ITSN2: variants seen among roughly 807,000 people sequenced by gnomAD.
ITSN2 encodes the protein intersectin-2.
A neutral mutation model predicts 243.7 loss-of-function variants in ITSN2; 156 were observed. The observed-to-expected ratio is 0.64, with a 90% CI of 0.56 to 0.73. The LOEUF (loss-of-function observed/expected upper bound fraction) is 0.73, where lower values mean the gene tolerates loss of function less well. Ranked by LOEUF, ITSN2 falls within the 30% of genes least tolerant of loss-of-function variation. The pLI is 0.00. For missense variants in ITSN2, 1,801 were observed against 1,996.1 expected (o/e 0.90, Z 1.86); for synonymous variants, 703 against 699.9 (o/e 1.00, Z -0.07).
At chr2:24,350,215 TA>T (rs1687903406) in intron 1 of ITSN2, among the ~76,000 whole-genome samples, 1 of 152,128 alleles carries the variant, frequency 6.6e-6, no homozygotes, top group Admixed American at 6.6e-5. Flanking sequence ...CATGATCCAT[TA>T]GGAAAAGCTT....
At chr2:24,325,192 T>G (rs962701804) in intron 2 of ITSN2, among the ~76,000 whole-genome samples, 1 of 152,076 alleles carries the variant, frequency 6.6e-6, no homozygotes, top group African/African-American at 2.4e-5. Flanking sequence ...GAGGACTTCT[T>G]GAGCCCAAGA....
At chr2:24,206,885 G>C (rs1446804192) in intron 37 of ITSN2, among the ~76,000 whole-genome samples, 1 of 152,130 alleles carries the variant, frequency 6.6e-6, no homozygotes, top group Admixed American at 6.5e-5. Context: ...CATGGAGGAG[G>C]CTGTGTTTGA....
At chr2:24,246,100 T>C (rs1385834894) in intron 29 of ITSN2, 29 bp downstream of exon 29, 1 of 1,513,766 alleles carries the variant, frequency 6.6e-7, no homozygotes, top group Non-Finnish European at 9.1e-7. Flanking sequence ...TCACACTAGG[T>C]GAGAGAAAAA....
rs560366782 is a variant in ITSN2, at chr2:24,358,087, G to C, written c.-34+2217C>G. Among the ~76,000 whole-genome samples, 29 of 152,202 alleles carry C rather than the reference G, an allele frequency of 1.9e-4. No homozygotes were observed. The South Asian group carries it at 4.6e-3, about 24-fold the overall frequency. ...CGCCACCATGCCAGGCTAATTTTTT[G>C]TATTTTTTAGTAGAGACAGGATTTC... On this transcript the variant is annotated intron_variant, in intron 1 of 39. Coordinates refer to ENST00000355123, the MANE Select transcript of ITSN2 (RefSeq NM_006277.3).
chr2:24,312,406 A>G (rs1683360727), intron 4 of ITSN2, 31 bp from the exon 5 acceptor site: 5 of 1,528,412 alleles, frequency 3.3e-6, no homozygotes, highest in Non-Finnish European at 4.4e-6. Context: ...GTAGATTGCT[A>G]TGTGGTGTGG....
At position 24,246,932 on chromosome 2, in the gene ITSN2, G is replaced by A. The variant is rs371387676; in HGVS notation, c.3289-39C>T. The A allele has an allele frequency of 2.6e-5, 33 of 1,291,766 alleles. No homozygotes were observed. In the African/African-American group the frequency reaches 4.1e-4, roughly 16 times the overall value. The allele number at this position is 1,291,766 out of a possible 1,614,324, so 80.0% of individuals were successfully genotyped here. On this transcript the variant is annotated intron_variant, in intron 27 of 39. Transcript: ENST00000355123. Reference sequence around the variant, plus strand: ...AAAGAAATACATAATTGAAAGATGAGATTAAAAACAATCATTGAGACATAA... The same window carrying A: ...AAAGAAATACATAATTGAAAGATGAAATTAAAAACAATCATTGAGACATAA...
At position 24,258,037 on chromosome 2, in the gene ITSN2, T is replaced by C; in HGVS notation, c.2739A>G (p.Lys913=). The stretch of plus-strand genomic sequence containing the variant: ...GTTTTGAGAAGTTCAAGTGGTTATC[T>C]TTCTTTGCAGTCCAGGAACAAAGGG... ...AQALCSWTAK[K]DNHLNFSKHD... is the part of the protein sequence containing the mutation. The change falls in exon 23 of 40, where the codon AAA becomes AAG. Residue 913 remains lysine (K), a synonymous_variant. Coordinates refer to ENST00000355123, the MANE Select transcript of ITSN2 (RefSeq NM_006277.3). 6.2e-7 allele frequency: 1 copy of C among 1,614,156 alleles called. No individual in the cohort carries two copies. The highest frequency in any genetic ancestry group is 8.5e-7 in the Non-Finnish European group (1 of 1,179,996).
chr2:24,354,660 G>GT (rs1165436630), intron 1 of ITSN2, among the ~76,000 whole-genome samples: 2 of 152,194 alleles, frequency 1.3e-5, no homozygotes. Context: ...CAGTTATTTG[G>GT]TGTCAGAGCT....
At chr2:24,260,903 C>CAAAAAAA (rs34385491) in intron 22 of ITSN2, among the ~76,000 whole-genome samples, 3 of 117,778 alleles carry the variant, frequency 2.5e-5, no homozygotes, top group African/African-American at 6.4e-5. Context: ...GGCTCCGTCT[C>CAAAAAAA]AAAAAAAAAA....
At chr2:24,205,979 A>AAAGT (rs1234702324) in intron 37 of ITSN2, among the ~76,000 whole-genome samples, 6 of 152,332 alleles carry the variant, frequency 3.9e-5, no homozygotes, top group Admixed American at 6.5e-5. Context: ...ATCAGATACC[A>AAAGT]AAGTCCAGGC....
intron 17 of ITSN2, among the ~76,000 whole-genome samples, chr2:24,276,831 T>C (rs908093752): frequency 6.6e-5 from 10 of 152,210 alleles, no homozygotes; most frequent in Non-Finnish European, 1.3e-4. Flanking sequence ...GATTCACATA[T>C]GTTGAAGTGG....
At chr2:24,220,359 A>G (rs953110165) in intron 30 of ITSN2, 2 of 985,212 alleles carry the variant, frequency 2.0e-6, no homozygotes, top group East Asian at 1.1e-4. Flanking sequence ...CTCAAGCACA[A>G]ATCATTTTAA....
At chr2:24,221,426 T>A in intron 29 of ITSN2, 1 of 186,654 alleles carries the variant, frequency 5.4e-6, no homozygotes. Context: ...CTGCAGGTCA[T>A]GAGCCATTAG....
Position 24,205,215 on chromosome 2 carries a change from A to G in ITSN2, c.4761T>C (p.Asn1587=). The change falls in exon 38 of 40, where the codon AAT becomes AAC. Residue 1587 remains asparagine (N), a splice_region_variant and synonymous_variant. Transcript: ENST00000355123. The part of the protein sequence containing the change: ...EATELKACKP[N]GKSNPYCEIS... Reference sequence around the variant, plus strand: ...TGAATGAATCAAGGCAGTATTTACCATTTGGTTTGCAGGCTTTTAATTCTG... The same window carrying G: ...TGAATGAATCAAGGCAGTATTTACCGTTTGGTTTGCAGGCTTTTAATTCTG... The G allele has an allele frequency of 6.2e-7, 1 of 1,613,306 alleles. No homozygotes were observed. The highest frequency in any genetic ancestry group is 8.5e-7 in the Non-Finnish European group (1 of 1,179,320).
At position 24,257,755 on chromosome 2, in the gene ITSN2, C is replaced by A. The variant is rs532636806; in HGVS notation, c.2888+133G>T. On this transcript the variant is annotated intron_variant, in intron 23 of 39. Coordinates refer to ENST00000355123, the MANE Select transcript of ITSN2 (RefSeq NM_006277.3). ...TACAGGTGTGAGCCACCACGGCCGG[C>A]CAGAATTACCTTTCTGATATTCAAA... 5.3e-5 allele frequency: 40 copies of A among 750,210 alleles called. No individual in the cohort carries two copies. The East Asian group carries it at 1.1e-3, about 20-fold the overall frequency. 46.5% of individuals were successfully genotyped at this position (750,210 alleles called of 1,614,324 possible).
In ITSN2 at chr2:24,295,497, C is replaced by T. The variant is rs372722306; in HGVS notation, c.1635+167G>A. On this transcript the variant is annotated intron_variant, in intron 14 of 39. Coordinates refer to ENST00000355123, the MANE Select transcript of ITSN2 (RefSeq NM_006277.3). ...AATTTTTTTGTATTTTTAGTAGAGA[C>T]GGGGTTTTGCCCTGCTGACTGGGCT... 1.1e-4 allele frequency among the ~76,000 whole-genome samples: 16 copies of T among 152,152 alleles called. 1 individual carries two copies. The highest frequency in any genetic ancestry group is 3.6e-4 in the African/African-American group (15 of 41,526).
rs1321735058 is a variant in ITSN2 at position 24,279,818 on chromosome 2, C to T, written c.1945-3969G>A. ...CCCAATCTCACCTCACTACAACCTC[C>T]GCCTCCCGGGTTCAGGTGATTCACC... On this transcript the variant is annotated intron_variant, in intron 17 of 39. Coordinates refer to ENST00000355123, the MANE Select transcript of ITSN2 (RefSeq NM_006277.3). Among the ~76,000 whole-genome samples, 5 of 151,136 alleles carry T rather than the reference C, an allele frequency of 3.3e-5. No homozygotes were observed. The South Asian group carries it at 6.3e-4, about 19-fold the overall frequency.
Position 24,221,016 on chromosome 2 carries a change from T to C in ITSN2, c.3628A>G (p.Arg1210Gly). ...LDTMQPIERK[R>G]QGYIHELIQT... ...ATCAGCTCATGAATATAGCCCTGTC[T>C]TTTCCTCTCAATTGGCTGCATTGTG... Residue 1210 changes from arginine (R) to glycine (G), a missense_variant, in exon 30 of 40, where the codon AGA (arginine) becomes GGA (glycine). Transcript: ENST00000355123. 6.2e-7 allele frequency: 1 copy of C among 1,609,460 alleles called. No homozygotes were observed. The highest frequency in any genetic ancestry group is 8.5e-7 in the Non-Finnish European group (1 of 1,178,312).
At chr2:24,308,571 C>A in intron 8 of ITSN2, 46 bp downstream of exon 8, 3 of 1,238,534 alleles carry the variant, frequency 2.4e-6, no homozygotes, top group Non-Finnish European at 3.2e-6. Flanking sequence ...TGGAAGTCCA[C>A]ATAAAAGACC....
Sources: allele counts gnomAD v4.1 joint callset (sites outside exome capture counted in the v4.1 genomes callset), GRCh38; gene constraint gnomAD v4.1.1; transcripts MANE v1.5; gene names NCBI Gene and HGNC (gene_info 2026-07-23, HGNC 2026-07-21).